CCDC138: variants seen among roughly 807,000 people sequenced by gnomAD.
The protein encoded by CCDC138 is coiled-coil domain containing 138.
Under a neutral mutation model 82.3 loss-of-function variants are expected in CCDC138, and 66 were observed. That is an observed-to-expected ratio of 0.80 (90% confidence interval 0.66 to 0.98). The LOEUF (loss-of-function observed/expected upper bound fraction) is 0.98. Ranked by LOEUF, CCDC138 falls within the 50% of genes least tolerant of loss-of-function variation. The pLI is 0.00. For synonymous variants in CCDC138, 297 were observed against 265.4 expected, an observed-to-expected ratio of 1.12 and a Z score of -1.16; for missense variants, 816 against 758.9, an observed-to-expected ratio of 1.08 and a Z score of -0.88.
chr2:108,836,234 T>C (rs1688558441), intron 10 of CCDC138, among the ~76,000 whole-genome samples: 1 of 152,228 alleles, frequency 6.6e-6, no homozygotes, highest in Non-Finnish European at 1.5e-5. Context: ...ATTAGATTTC[T>C]CATATGGATG....
Position 108,786,964 on chromosome 2 carries a change from C to T in CCDC138, c.93+49C>T, listed in dbSNP as rs537504426. 1.4e-4 allele frequency: 177 copies of T among 1,296,930 alleles called. 1 individual carries two copies. The African/African-American group carries it at 2.4e-3, about 17-fold the overall frequency. The allele number at this position is 1,296,930 out of a possible 1,614,324, so 80.3% of individuals were successfully genotyped here. A position where few individuals can be genotyped will look rare whatever the true frequency, so the allele number is the denominator to read the frequency against. ...CGGGTGGGCTCCTGCTGCTGGGGGGCGGCCCGCTCCGTGCCCCGCGCAGCC... is the reference window on the plus strand; with the variant it reads ...CGGGTGGGCTCCTGCTGCTGGGGGGTGGCCCGCTCCGTGCCCCGCGCAGCC... On this transcript the variant is annotated intron_variant, in intron 1 of 14. Transcript: ENST00000295124.
rs1307438599 is a variant in CCDC138 at position 108,850,257 on chromosome 2, A to C, written c.1516+3327A>C. On this transcript the variant is annotated intron_variant, in intron 12 of 14. Transcript: ENST00000295124. ...TTATAAAATAGGAACATCAGTTTCA[A>C]ATTTGATAAATTTAGTAGAAAATGA... Among the ~76,000 whole-genome samples the C allele has an allele frequency of 3.3e-5, 5 of 152,306 alleles. No individual in the cohort carries two copies. The East Asian group carries it at 9.6e-4, about 29-fold the overall frequency.
chr2:108,789,115 G>A, intron 3 of CCDC138, 149 bp downstream of exon 3: 1 of 616,132 alleles, frequency 1.6e-6, no homozygotes, highest in Non-Finnish European at 2.7e-6. Flanking sequence ...AATAGTTGAA[G>A]CGAGTCACTT....
rs914516828 is a variant in CCDC138, at chr2:108,869,455, C to T, written c.1694-3996C>T. Among the ~76,000 whole-genome samples the T allele has an allele frequency of 7.2e-5, 11 of 152,214 alleles. 1 individual carries two copies. In the South Asian group the frequency reaches 2.1e-3, roughly 29 times the overall value. ...CAAGAGACTGGTTTCAGACTTGCCTCGTTCAGGGCACATACAGGGAATGCG... is the reference window on the plus strand; with the variant it reads ...CAAGAGACTGGTTTCAGACTTGCCTTGTTCAGGGCACATACAGGGAATGCG... On this transcript the variant is annotated intron_variant, in intron 13 of 14. Coordinates refer to ENST00000295124, the MANE Select transcript of CCDC138 (RefSeq NM_144978.3).
intron 12 of CCDC138, among the ~76,000 whole-genome samples, chr2:108,856,446 A>G (rs571183474): frequency 8.7e-4 from 132 of 152,340 alleles, no homozygotes; most frequent in African/African-American, 3.0e-3. Flanking sequence ...AGATAGAAAT[A>G]CTAAGTTTTT....
chr2:108,817,681 T>A (rs979102413), intron 10 of CCDC138, among the ~76,000 whole-genome samples: 8 of 152,190 alleles, frequency 5.3e-5, no homozygotes, highest in African/African-American at 1.9e-4. Context: ...GCAAACTGGA[T>A]TCCACATGCA....
intron 13 of CCDC138, among the ~76,000 whole-genome samples, chr2:108,861,463 A>T (rs1295831233): frequency 7.1e-6 from 1 of 140,486 alleles, no homozygotes; most frequent in Non-Finnish European, 1.5e-5. Context: ...AGCACTATAA[A>T]CTTTCTTCCT....
chr2:108,815,461 G>GTTTTTTT (rs35206784), intron 9 of CCDC138, among the ~76,000 whole-genome samples: 168 of 70,678 alleles, frequency 2.4e-3, no homozygotes, highest in East Asian at 3.3e-3. Flanking sequence ...GGTTTTTGGT[G>GTTTTTTT]TTTTTTTTTT....
chr2:108,869,313 C>A (rs1464157291), intron 13 of CCDC138, among the ~76,000 whole-genome samples: 1 of 152,220 alleles, frequency 6.6e-6, no homozygotes, highest in Non-Finnish European at 1.5e-5. Context: ...CCTACTCTAT[C>A]TCTGGCACAG....
rs534335834 is a variant in CCDC138 at position 108,823,328 on chromosome 2, A to C, written c.1206+7223A>C. 3.3e-5 allele frequency among the ~76,000 whole-genome samples: 5 copies of C among 152,342 alleles called. No homozygotes were observed. The South Asian group carries it at 1.0e-3, about 32-fold the overall frequency. ...ACCCTGATACCAAAGCTAGACAAAG[A>C]CGCAATAAAAAACTATTGACTAATA... On this transcript the variant is annotated intron_variant, in intron 10 of 14. Transcript: ENST00000295124.
At chr2:108,805,038 T>G (rs374939949) in intron 7 of CCDC138, 30 bp downstream of exon 7, 16 of 1,147,210 alleles carry the variant, frequency 1.4e-5, no homozygotes, top group East Asian at 2.8e-5. Context: ...ATACTGAACA[T>G]AAGACATTCT....
At chr2:108,875,325 A>T (rs1428225240) in intron 14 of CCDC138, among the ~76,000 whole-genome samples, 9 of 143,812 alleles carry the variant, frequency 6.3e-5, no homozygotes, top group South Asian at 4.3e-4. Flanking sequence ...ATAATAAAAA[A>T]AAAAAAAAAA....
intron 7 of CCDC138, among the ~76,000 whole-genome samples, chr2:108,809,776 C>T (rs1683482752): frequency 6.7e-6 from 1 of 149,408 alleles, no homozygotes; most frequent in Admixed American, 6.9e-5. Context: ...CAAAGAAGGA[C>T]AATTTGACTC....
intron 4 of CCDC138, among the ~76,000 whole-genome samples, chr2:108,793,711 C>T (rs950223958): frequency 9.2e-5 from 14 of 151,952 alleles, no homozygotes; most frequent in South Asian, 4.2e-4. Context: ...ACTCTCCTGC[C>T]TCAGCCTCCC....
intron 14 of CCDC138, 22 bp downstream of exon 14, chr2:108,873,611 C>T: frequency 2.0e-6 from 3 of 1,523,534 alleles, no homozygotes; most frequent in South Asian, 1.2e-5. Flanking sequence ...TTATTTCTAA[C>T]ATTTTTTATT....
chr2:108,836,313 C>G (rs1025026298), intron 10 of CCDC138, among the ~76,000 whole-genome samples: 2 of 152,146 alleles, frequency 1.3e-5, no homozygotes, highest in Non-Finnish European at 2.9e-5. Context: ...TAAGGTTCGT[C>G]CATGTTGTAG....
chr2:108,873,121 TA>T (rs551910922), intron 13 of CCDC138, among the ~76,000 whole-genome samples: 99 of 152,320 alleles, frequency 6.5e-4, no homozygotes, highest in Non-Finnish European at 1.2e-3. Context: ...TTCTTGTTGC[TA>T]ATTATAGTAT....
Position 108,804,991 on chromosome 2 carries a change from G to T in CCDC138, c.838G>T (p.Asp280Tyr). ...TTTTGATGCATTGAAAGAATTGAAT[G>T]ATACCTTAAAAAAACAGGTAAGACC... ...SSFDALKELN[D>Y]TLKKQLNEAS... Residue 280 changes from aspartate to tyrosine, a missense_variant, in exon 7 of 15, where the codon GAT (aspartate) becomes TAT (tyrosine). Physicochemically the swap from Asp to Tyr is radical, Grantham distance 160. Transcript: ENST00000295124. 1 of 1,536,802 alleles carries T rather than the reference G, an allele frequency of 6.5e-7. No individual in the cohort carries two copies. Among genetic ancestry groups the T allele is most frequent in the Non-Finnish European group, 8.7e-7 (1 of 1,147,834 alleles).
intron 1 of CCDC138, among the ~76,000 whole-genome samples, chr2:108,787,132 C>T (rs1213657342): frequency 6.6e-6 from 1 of 152,188 alleles, no homozygotes; most frequent in Non-Finnish European, 1.5e-5. Context: ...CCTCTGTGTT[C>T]CTGGTATACT....
Sources: allele counts gnomAD v4.1 joint callset (sites outside exome capture counted in the v4.1 genomes callset), GRCh38; gene constraint gnomAD v4.1.1; transcripts MANE v1.5; gene names NCBI Gene and HGNC (gene_info 2026-07-23, HGNC 2026-07-21).